The following KDM2B variants were observed in gnomAD, a reference collection of about 807,000 sequenced individuals.
KDM2B encodes the protein lysine demethylase 2B, also known as lysine-specific demethylase 2B.
In KDM2B, 26 loss-of-function variants were observed where a neutral mutation model predicts 150.0. That is an observed-to-expected ratio of 0.17 (90% CI 0.13 to 0.24). The LOEUF (loss-of-function observed/expected upper bound fraction) is 0.24. Among genes scored for constraint, KDM2B ranks in the 10% least tolerant of loss-of-function variants. The pLI is 1.00. For missense variants in KDM2B, 1,265 were observed against 1,816.9 expected, an observed-to-expected ratio of 0.70 and a Z score of 5.52; for synonymous variants, 734 against 729.5, an observed-to-expected ratio of 1.01 and a Z score of -0.10.
At chr12:121,519,840 C>T (rs572008339) in intron 9 of KDM2B, among the ~76,000 whole-genome samples, 2 of 152,188 alleles carry the variant, frequency 1.3e-5, no homozygotes, top group East Asian at 3.9e-4. Context: ...AAAACAGGAA[C>T]AAGTAGAACA....
intron 12 of KDM2B, among the ~76,000 whole-genome samples, chr12:121,454,914 C>T (rs1440239778): frequency 6.6e-6 from 1 of 152,156 alleles, no homozygotes; most frequent in Non-Finnish European, 1.5e-5. Flanking sequence ...ACACACAACT[C>T]CCTGCACCCT....
In KDM2B at chr12:121,536,111, G is replaced by T. The variant is rs782232855; in HGVS notation, c.684-1521C>A. ...GACAGGGAGGAGCCAGCAGCGCGCC[G>T]GCACGAGTGGAGATAATGCGGGGAG... On this transcript the variant is annotated intron_variant, in intron 6 of 22. Coordinates refer to ENST00000377071, the MANE Select transcript of KDM2B (RefSeq NM_032590.5). 260 of 985,668 alleles carry T rather than the reference G, an allele frequency of 2.6e-4. No individual in the cohort carries two copies. In the Middle Eastern group the frequency reaches 3.1e-3, roughly 12 times the overall value. The allele number at this position is 985,668 out of a possible 1,614,324, so 61.1% of individuals were successfully genotyped here. A position where few individuals can be genotyped will look rare whatever the true frequency, so the allele number is the denominator to read the frequency against.
intron 11 of KDM2B, among the ~76,000 whole-genome samples, chr12:121,498,580 C>T (rs1555301386): frequency 6.6e-6 from 1 of 152,156 alleles, no homozygotes; most frequent in Non-Finnish European, 1.5e-5. Context: ...GGCCCATGGG[C>T]CACCAATTTG....
chr12:121,548,154 G>C (rs1214461600), intron 6 of KDM2B, among the ~76,000 whole-genome samples: 1 of 152,108 alleles, frequency 6.6e-6, no homozygotes. Context: ...ACTCACGCCT[G>C]TACTTGGGAG....
chr12:121,534,572 C>T lies in KDM2B; in HGVS notation c.702G>A (p.Val234=). 1 of 1,613,984 alleles carries T rather than the reference C, an allele frequency of 6.2e-7. No homozygotes were observed. The highest frequency in any genetic ancestry group is 8.5e-7 in the Non-Finnish European group (1 of 1,179,844). ...TGTGGAAGTCGGTGAAACAACCTTT[C>T]ACGCTCATCAGACAGTACCTGCAAC... ...PKVKKYCLMS[V]KGCFTDFHID... The change falls in exon 7 of 23, where the codon GTG becomes GTA. Residue 234 remains valine, a synonymous_variant. Coordinates refer to ENST00000377071, the MANE Select transcript of KDM2B (RefSeq NM_032590.5).
At chr12:121,501,094 C>T (rs1555301851) in intron 11 of KDM2B, among the ~76,000 whole-genome samples, 1 of 151,850 alleles carries the variant, frequency 6.6e-6, no homozygotes, top group Non-Finnish European at 1.5e-5. Flanking sequence ...GAGCAAGATT[C>T]CATCTCAAAA....
rs1021485098 is a variant in KDM2B at position 121,442,379 on chromosome 12, C to T, written c.3062G>A (p.Arg1021His). ...QLGPSLRSPP[R>H]VISRPPPSVS... ...GGAGGGTGGGGGCCGGGAGATGACA[C>T]GGGGCGGGCTGCGCAGGCTGGGCCC... Residue 1021 changes from arginine to histidine, a missense_variant, in exon 19 of 23, where the codon CGT becomes CAT. Physicochemically the swap from Arg to His is conservative, Grantham distance 29. Around this residue, in one of 11 missense-constraint regions of KDM2B, gnomAD observed 418 missense variants for 402.4 expected, o/e 1.04. Transcript: ENST00000377071. The surrounding 1 kb of genome is among the most constrained non-coding windows in gnomAD (Gnocchi z 7.7). The T allele has an allele frequency of 2.0e-6, 3 of 1,503,626 alleles. No homozygotes were observed. Among genetic ancestry groups the T allele is most frequent in the African/African-American group, 2.8e-5 (2 of 70,528 alleles). 93.1% of individuals were successfully genotyped at this position (1,503,626 alleles called of 1,614,324 possible).
intron 4 of KDM2B, among the ~76,000 whole-genome samples, chr12:121,560,803 G>C (rs1325863164): frequency 6.6e-6 from 1 of 152,158 alleles, no homozygotes; most frequent in African/African-American, 2.4e-5. Flanking sequence ...CACCGGGGAG[G>C]AGGCAGGTAG....
At chr12:121,438,763 C>T (rs1874438415) in intron 22 of KDM2B, among the ~76,000 whole-genome samples, 1 of 151,852 alleles carries the variant, frequency 6.6e-6, no homozygotes, top group Non-Finnish European at 1.5e-5. Context: ...TATGTCACCA[C>T]TGCGCTGTGT....
chr12:121,524,053 G>A (rs112171529), intron 8 of KDM2B, among the ~76,000 whole-genome samples: 3,273 of 152,138 alleles, frequency 0.022, 127 homozygotes, highest in African/African-American at 0.075. Context: ...CGCCATCCCC[G>A]TTATCCTAGC....
At chr12:121,450,789 A>C (rs1877122715) in intron 13 of KDM2B, among the ~76,000 whole-genome samples, 1 of 151,776 alleles carries the variant, frequency 6.6e-6, no homozygotes, top group South Asian at 2.1e-4. Flanking sequence ...TGAACCCAGG[A>C]GGTGGAGCTT....
chr12:121,463,878 C>A lies in KDM2B; in HGVS notation c.1735-10534G>T, dbSNP rs1259549741. Among the ~76,000 whole-genome samples the A allele has an allele frequency of 2.0e-5, 3 of 152,096 alleles. No individual in the cohort carries two copies. The East Asian group carries it at 5.8e-4, about 29-fold the overall frequency. On this transcript the variant is annotated intron_variant, in intron 12 of 22. Coordinates refer to ENST00000377071, the MANE Select transcript of KDM2B (RefSeq NM_032590.5). ...AACCGGCATGAGCCACTGTACCCAG[C>A]CTGTAGTCATTTTTATAGAAAAAAT...
At chr12:121,556,392 C>G (rs1889903992) in intron 4 of KDM2B, among the ~76,000 whole-genome samples, 1 of 152,118 alleles carries the variant, frequency 6.6e-6, no homozygotes, top group African/African-American at 2.4e-5. Context: ...CATTTGGCAC[C>G]TCCCTCCTCT....
intron 1 of KDM2B, chr12:121,580,511 G>A: frequency 1.6e-6 from 2 of 1,246,030 alleles, no homozygotes; most frequent in Non-Finnish European, 2.0e-6. Context: ...GGAGTTGTGT[G>A]CAGAGCTGAC....
In KDM2B at chr12:121,517,149, A is replaced by G. The variant is rs1180102358; in HGVS notation, c.1048-3747T>C. Among the ~76,000 whole-genome samples the G allele has an allele frequency of 2.0e-5, 3 of 152,194 alleles. No homozygotes were observed. In the East Asian group the frequency reaches 5.8e-4, roughly 29 times the overall value. ...CTGAAGTTAAAAGAATGTAGTGATG[A>G]TCGAGATGTTGTCTTAAGTATCAAA... On this transcript the variant is annotated intron_variant, in intron 9 of 22. Transcript: ENST00000377071.
chr12:121,561,721 A>G (rs1336261865), intron 4 of KDM2B, among the ~76,000 whole-genome samples: 1 of 152,118 alleles, frequency 6.6e-6, no homozygotes, highest in Non-Finnish European at 1.5e-5. Flanking sequence ...TGAAAGTCAA[A>G]CCTACATGTG....
intron 4 of KDM2B, among the ~76,000 whole-genome samples, chr12:121,572,445 C>T (rs1188406754): frequency 6.6e-6 from 1 of 152,154 alleles, no homozygotes; most frequent in Admixed American, 6.6e-5. Flanking sequence ...GTTTATCCCC[C>T]GACTTCCCTT....
At chr12:121,440,773 C>A in intron 21 of KDM2B, 43 bp downstream of exon 21, 1 of 1,556,632 alleles carries the variant, frequency 6.4e-7, no homozygotes, top group South Asian at 1.2e-5. Context: ...CAGTCTAGCT[C>A]GCTCACCCCA....
chr12:121,542,287 G>T (rs4981004), intron 6 of KDM2B, among the ~76,000 whole-genome samples: 2 of 152,042 alleles, frequency 1.3e-5, no homozygotes, highest in Non-Finnish European at 2.9e-5. Context: ...GCCCATAGAG[G>T]CTTCAGCTGA....
Sources: gnomAD v4.1 joint callset for allele counts (sites outside exome capture counted in the v4.1 genomes callset) on GRCh38, gnomAD v4.1.1 for gene constraint, gnomAD v4.1.1 regional missense constraint, Gnocchi (gnomAD v3.1) non-coding constraint, MANE v1.5 for transcripts, NCBI Gene and HGNC (gene_info 2026-07-23, HGNC 2026-07-21) for gene names.